The following OR2J3 variants were observed in gnomAD, a reference collection of about 807,000 sequenced individuals.
OR2J3 encodes the protein olfactory receptor 2J3.
OR2J3 carries 13 observed loss-of-function variants against 18.5 expected under a neutral mutation model. The ratio of observed to expected loss-of-function variants is 0.70; its 90% CI spans 0.46 to 1.12. The LOEUF (loss-of-function observed/expected upper bound fraction) is 1.12, where lower values mean the gene tolerates loss of function less well. OR2J3 is among the 50% of genes most tolerant of loss of function. The pLI, the probability that OR2J3 is intolerant of heterozygous loss-of-function variation, is 0.00. For missense variants in OR2J3, 321 were observed against 371.6 expected, an observed-to-expected ratio of 0.86 and a Z score of 1.12; for synonymous variants, 142 against 140.6, an observed-to-expected ratio of 1.01 and a Z score of -0.07.
Position 29,112,496 on chromosome 6 carries a change from C to T in OR2J3, c.606C>T (p.Leu202=), listed in dbSNP as rs1762179267. ...CVDTHVNELT[L]MITSSIFVLI... ...ATACCCATGTCAATGAGCTGACCCT[C>T]ATGATCACAAGCTCCATATTTGTTC... is the stretch of plus-strand genomic sequence containing the variant. The change falls in exon 4 of 4, where the codon CTC becomes CTT. Residue 202 remains leucine, a synonymous_variant. Coordinates refer to ENST00000641151, the MANE Select transcript of OR2J3 (RefSeq NM_001005216.4). 3.1e-6 allele frequency: 5 copies of T among 1,614,152 alleles called. No homozygotes were observed. Among genetic ancestry groups the T allele is most frequent in the Non-Finnish European group, 4.2e-6 (5 of 1,180,020 alleles).
At chr6:29,110,125 C>A (rs1056183020) in intron 3 of OR2J3, among the ~76,000 whole-genome samples, 4 of 152,152 alleles carry the variant, frequency 2.6e-5, no homozygotes, top group Non-Finnish European at 5.9e-5. Flanking sequence ...ATCTTCCTTT[C>A]CTTTCTGTAA....
In OR2J3 at chr6:29,113,128, G is replaced by A. The variant is rs1346155010; in HGVS notation, c.*302G>A. On this transcript the variant is annotated 3_prime_UTR_variant, in exon 4 of 4. Coordinates refer to ENST00000641151, the MANE Select transcript of OR2J3 (RefSeq NM_001005216.4). Reference sequence around the variant, plus strand: ...CATTTCTCGATTGAAAATAAGGCATGAAATTTGTTGTAAATCTTGATAAAA... The same window carrying A: ...CATTTCTCGATTGAAAATAAGGCATAAAATTTGTTGTAAATCTTGATAAAA... 1 of 308,546 alleles carries A rather than the reference G, an allele frequency of 3.2e-6. No homozygotes were observed. The highest frequency in any genetic ancestry group is 5.2e-5 in the East Asian group (1 of 19,096). 19.1% of individuals were successfully genotyped at this position (308,546 alleles called of 1,614,324 possible). A position where few individuals can be genotyped will look rare whatever the true frequency, so the allele number is the denominator to read the frequency against.
Position 29,108,165 on chromosome 6 carries a change from G to C in OR2J3, c.-311G>C, listed in dbSNP as rs1761995874. The stretch of plus-strand genomic sequence containing the variant: ...GCATTTATGTTGGTGATTTCAAGGT[G>C]ATCAAAATCAGAGATCAGATCAGTC... On this transcript the variant is annotated 5_prime_UTR_variant, in exon 1 of 4. An upstream open reading frame in the 5' UTR loses its in-frame stop. Coordinates refer to ENST00000641151, the MANE Select transcript of OR2J3 (RefSeq NM_001005216.4). 1.3e-5 allele frequency: 2 copies of C among 152,150 alleles called. No homozygotes were observed. The highest frequency in any genetic ancestry group is 2.4e-5 in the African/African-American group (1 of 41,434). 9.4% of individuals were successfully genotyped at this position (152,150 alleles called of 1,614,324 possible). A position where few individuals can be genotyped will look rare whatever the true frequency, so the allele number is the denominator to read the frequency against.
chr6:29,111,504 G>T (rs7754180), intron 3 of OR2J3: 2,830 of 172,368 alleles, frequency 0.016, 80 homozygotes, highest in African/African-American at 0.063. Context: ...TAACTAGAAA[G>T]TTGTGAGGAG....
At chr6:29,111,271 T>C (rs1762116588) in intron 3 of OR2J3, among the ~76,000 whole-genome samples, 1 of 152,142 alleles carries the variant, frequency 6.6e-6, no homozygotes, top group South Asian at 2.1e-4. Flanking sequence ...TCAATTTGAG[T>C]TTTTCTCATG....
rs774334786 is a variant in OR2J3 at position 29,112,284 on chromosome 6, C to T, written c.394C>T (p.Pro132Ser). 17 of 1,613,912 alleles carry T rather than the reference C, an allele frequency of 1.1e-5. No homozygotes were observed. The highest frequency in any genetic ancestry group is 6.6e-5 in the South Asian group (6 of 91,070). The change falls in exon 4 of 4, where the codon CCT (proline) becomes TCT (serine). Residue 132 changes from proline to serine, a missense_variant. Transcript: ENST00000641151. Reference protein sequence around the residue: ...SYDRYAAVCRPLHYTVLMHPR... With the variant: ...SYDRYAAVCRSLHYTVLMHPR... ...TGACCGTTATGCAGCTGTGTGTAGA[C>T]CTTTGCATTACACTGTCCTCATGCA...
In OR2J3 at chr6:29,111,959, G is replaced by A. The variant is rs1177268632; in HGVS notation, c.69G>A (p.Trp23Ter). The A allele has an allele frequency of 3.8e-5, 61 of 1,613,788 alleles. No individual in the cohort carries two copies. The highest frequency in any genetic ancestry group is 4.8e-5 in the Non-Finnish European group (57 of 1,179,970). ...GYFILVGFSN[W>*]PHLEVVIFVV... ...TTATTTTAGTTGGATTTTCTAATTG[G>A]CCTCATCTGGAAGTAGTTATCTTTG... The change falls in exon 4 of 4, where the codon TGG becomes TGA. Residue 23 changes from tryptophan (W) to a stop codon, truncating the protein, a stop_gained. Coordinates refer to ENST00000641151, the MANE Select transcript of OR2J3 (RefSeq NM_001005216.4). LOFTEE classifies it high-confidence loss of function.
At chr6:29,111,782 C>T (rs575259236) in intron 3 of OR2J3, 99 bp from the exon 4 acceptor site, 1 of 1,030,536 alleles carries the variant, frequency 9.7e-7, no homozygotes, top group East Asian at 2.4e-5. Context: ...TGATGGCAAG[C>T]CCTTCAAACT....
chr6:29,112,558 CCAT>C lies in OR2J3; in HGVS notation c.670_672del (p.Ile224del). On this transcript the variant is annotated inframe_deletion, in exon 4 of 4. Coordinates refer to ENST00000641151, the MANE Select transcript of OR2J3 (RefSeq NM_001005216.4). Reference sequence around the variant, plus strand: ...ATCCTCATTCTCACTTCTTATGGTGCCATCGTCCGAGCTATACTGAGGATGCAG... The same window carrying C: ...ATCCTCATTCTCACTTCTTATGGTGCCGTCCGAGCTATACTGAGGATGCAG... 6.2e-7 allele frequency: 1 copy of C among 1,614,064 alleles called. No individual in the cohort carries two copies. The highest frequency in any genetic ancestry group is 2.2e-5 in the East Asian group (1 of 44,890).
At chr6:29,111,564 T>G (rs1762126762) in intron 3 of OR2J3, 1 of 261,476 alleles carries the variant, frequency 3.8e-6, no homozygotes, top group African/African-American at 2.2e-5. Context: ...CCCCATCAAA[T>G]TTTTATCCAC....
rs187573290 is a variant in OR2J3 at position 29,113,192 on chromosome 6, T to C, written c.*366T>C. On this transcript the variant is annotated 3_prime_UTR_variant, in exon 4 of 4. Transcript: ENST00000641151. ...TCCTATGAAAAGATGATACTCTCAA[T>C]TTAAAAATCTCTACAATATGTCTTT... is the stretch of plus-strand genomic sequence containing the variant. 360 of 203,556 alleles carry C rather than the reference T, an allele frequency of 1.8e-3. No individual in the cohort carries two copies. Among genetic ancestry groups the C allele is most frequent in the African/African-American group, 7.2e-3 (313 of 43,418 alleles). The allele number at this position is 203,556 out of a possible 1,614,324, so 12.6% of individuals were successfully genotyped here.
Position 29,113,209 on chromosome 6 carries a change from T to A in OR2J3, c.*383T>A, listed in dbSNP as rs1407192556. The A allele has an allele frequency of 5.4e-6, 1 of 185,094 alleles. No individual in the cohort carries two copies. The highest frequency in any genetic ancestry group is 1.4e-4 in the East Asian group (1 of 7,034). The allele number at this position is 185,094 out of a possible 1,614,324, so 11.5% of individuals were successfully genotyped here. ...ACTCTCAATTTAAAAATCTCTACAA[T>A]ATGTCTTTTAATTTCTTGCTTTTTG... On this transcript the variant is annotated 3_prime_UTR_variant, in exon 4 of 4. Transcript: ENST00000641151.
At chr6:29,109,524 T>C (rs1762047952) in intron 3 of OR2J3, 1 of 152,152 alleles carries the variant, frequency 6.6e-6, no homozygotes, top group African/African-American at 2.4e-5. Flanking sequence ...GGCCCCACAA[T>C]GATTTCTTTC....
At chr6:29,111,158 AATCAC>A (rs1383104496) in intron 3 of OR2J3, among the ~76,000 whole-genome samples, 1 of 152,120 alleles carries the variant, frequency 6.6e-6, no homozygotes, top group African/African-American at 2.4e-5. Flanking sequence ...TACACTGAGA[AATCAC>A]ATCTCACTAG....
At position 29,113,747 on chromosome 6, in the gene OR2J3, A is replaced by G. The variant is rs1762237145; in HGVS notation, c.*921A>G. 6.6e-6 allele frequency: 1 copy of G among 152,192 alleles called. No individual in the cohort carries two copies. The highest frequency in any genetic ancestry group is 1.5e-5 in the Non-Finnish European group (1 of 68,028). 9.4% of individuals were successfully genotyped at this position (152,192 alleles called of 1,614,324 possible). The stretch of plus-strand genomic sequence containing the variant: ...AAAATGATAGCTTATTTTTATTTTA[A>G]AGCTTGATCTAATTTGAGTATTTAT... On this transcript the variant is annotated 3_prime_UTR_variant, in exon 4 of 4. Coordinates refer to ENST00000641151, the MANE Select transcript of OR2J3 (RefSeq NM_001005216.4).
chr6:29,110,852 TATTTATC>T lies in OR2J3; in HGVS notation c.-10-1028_-10-1022del, dbSNP rs1562545087. ...TTATATCATCTATCAACTATCTATC[TATTTATC>T]TATCTATCTATCTATCTATCTATCT... On this transcript the variant is annotated intron_variant, in intron 3 of 3. Coordinates refer to ENST00000641151, the MANE Select transcript of OR2J3 (RefSeq NM_001005216.4). Among the ~76,000 whole-genome samples, 32 of 117,380 alleles carry T rather than the reference TATTTATC, an allele frequency of 2.7e-4. 1 individual carries two copies. The South Asian group carries it at 5.3e-3, about 20-fold the overall frequency. The allele number at this position is 117,380 out of a possible 152,430, so 77.0% of individuals were successfully genotyped here. A position where few individuals can be genotyped will look rare whatever the true frequency, so the allele number is the denominator to read the frequency against.
intron 3 of OR2J3, among the ~76,000 whole-genome samples, chr6:29,110,128 T>G (rs1762071079): frequency 6.6e-6 from 1 of 152,200 alleles, no homozygotes; most frequent in African/African-American, 2.4e-5. Flanking sequence ...TTCCTTTCCT[T>G]TCTGTAAAGT....
At position 29,113,178 on chromosome 6, in the gene OR2J3, G is replaced by T. The variant is rs1039355252; in HGVS notation, c.*352G>T. ...AGCGAAGCTGTAAATCCTATGAAAA[G>T]ATGATACTCTCAATTTAAAAATCTC... On this transcript the variant is annotated 3_prime_UTR_variant, in exon 4 of 4. Coordinates refer to ENST00000641151, the MANE Select transcript of OR2J3 (RefSeq NM_001005216.4). The T allele has an allele frequency of 9.0e-6, 2 of 223,300 alleles. No individual in the cohort carries two copies. The highest frequency in any genetic ancestry group is 5.2e-5 in the Admixed American group (1 of 19,224). The allele number at this position is 223,300 out of a possible 1,614,324, so 13.8% of individuals were successfully genotyped here.
chr6:29,112,505 A>G lies in OR2J3; in HGVS notation c.615A>G (p.Thr205=). The change falls in exon 4 of 4, where the codon ACA becomes ACG. Residue 205 remains threonine, a synonymous_variant. Transcript: ENST00000641151. Reference sequence around the variant, plus strand: ...TCAATGAGCTGACCCTCATGATCACAAGCTCCATATTTGTTCTCATACCTC... The same window carrying G: ...TCAATGAGCTGACCCTCATGATCACGAGCTCCATATTTGTTCTCATACCTC... ...THVNELTLMI[T]SSIFVLIPLI... 6.2e-7 allele frequency: 1 copy of G among 1,614,098 alleles called. No individual in the cohort carries two copies.
Sources: gnomAD v4.1 joint callset for allele counts (sites outside exome capture counted in the v4.1 genomes callset) on GRCh38, gnomAD v4.1.1 for gene constraint, MANE v1.5 for transcripts, NCBI Gene and HGNC (gene_info 2026-07-23, HGNC 2026-07-21) for gene names.